ZC3H8: variants seen among roughly 807,000 people sequenced by gnomAD.
ZC3H8 encodes zinc finger CCCH domain-containing protein 8.
Under a neutral mutation model 42.5 loss-of-function variants are expected in ZC3H8, and 27 were observed. The ratio of observed to expected loss-of-function variants is 0.64; its 90% CI spans 0.47 to 0.88. ZC3H8 has a LOEUF of 0.88. ZC3H8 is among the 40% of genes least tolerant of loss of function. The probability of loss-of-function intolerance (pLI) is 0.00; values close to 1 mark genes in which losing one functional copy is unlikely to be tolerated. For synonymous variants in ZC3H8, 101 were observed against 110.1 expected, an observed-to-expected ratio of 0.92 and a Z score of 0.52; for missense variants, 277 against 336.1, an observed-to-expected ratio of 0.82 and a Z score of 1.37.
chr2:112,231,875 G>T lies in ZC3H8; in HGVS notation c.806C>A (p.Ala269Asp). Residue 269 changes from alanine to aspartate, a missense_variant, in exon 7 of 9, where the codon GCT (alanine) becomes GAT (aspartate). Transcript: ENST00000409573. ...YQGEYCKFSH[A>D]PLTPETQELL... ...TTCTTGTGTTTCAGGAGTCAGTGGA[G>T]CATGAGAAAACTTGCAGTATTCTCC... is the stretch of plus-strand genomic sequence containing the variant. 6.3e-7 allele frequency: 1 copy of T among 1,593,828 alleles called. No individual in the cohort carries two copies. The highest frequency in any genetic ancestry group is 8.6e-7 in the Non-Finnish European group (1 of 1,167,130).
At chr2:112,249,851 A>T (rs1685888190) in intron 2 of ZC3H8, among the ~76,000 whole-genome samples, 1 of 152,242 alleles carries the variant, frequency 6.6e-6, no homozygotes, top group Admixed American at 6.5e-5. Flanking sequence ...AAGTTAACAA[A>T]TCATAACCCT....
In ZC3H8 at chr2:112,233,276, GT is replaced by G. The variant is rs1685171087; in HGVS notation, c.716del (p.Asn239ThrfsTer33). ...AAAGGATATTATGCAAATACAGACA[GT>G]TTTCACCTCTGGTACAATATCCTTG... The part of the protein sequence containing the change: ...YVQGYCTRGE[N>X]CLYLHNEYPC... On this transcript the variant is annotated frameshift_variant, in exon 6 of 9. Transcript: ENST00000409573. LOFTEE classifies it high-confidence loss of function. 1 of 1,586,342 alleles carries G rather than the reference GT, an allele frequency of 6.3e-7. No individual in the cohort carries two copies. Among genetic ancestry groups the G allele is most frequent in the Non-Finnish European group, 8.6e-7 (1 of 1,164,422 alleles).
chr2:112,254,511 T>A (rs1313458858), intron 1 of ZC3H8, among the ~76,000 whole-genome samples: 1 of 152,204 alleles, frequency 6.6e-6, no homozygotes, highest in Admixed American at 6.5e-5. Flanking sequence ...AAAGGTCACA[T>A]CAGTGTCCTC....
intron 7 of ZC3H8, 108 bp from the exon 8 acceptor site, chr2:112,231,058 AATC>A: frequency 1.4e-6 from 1 of 718,468 alleles, no homozygotes; most frequent in East Asian, 6.9e-5. Context: ...TCATCCTAAT[AATC>A]ATCTAATATT....
At chr2:112,233,225 T>C (rs764994051) in intron 6 of ZC3H8, 35 bp downstream of exon 6, 1 of 1,204,054 alleles carries the variant, frequency 8.3e-7, no homozygotes, top group Non-Finnish European at 1.1e-6. Context: ...CATGTAAATA[T>C]TTATAAAGTC....
At chr2:112,244,486 G>T (rs147823396) in intron 2 of ZC3H8, among the ~76,000 whole-genome samples, 6 of 152,264 alleles carry the variant, frequency 3.9e-5, no homozygotes, top group Non-Finnish European at 7.4e-5. Context: ...AGGTATATAA[G>T]ATGTGAGATA....
intron 2 of ZC3H8, among the ~76,000 whole-genome samples, chr2:112,244,527 T>G (rs960709573): frequency 1.3e-5 from 2 of 152,252 alleles, no homozygotes; most frequent in African/African-American, 4.8e-5. Context: ...CATACCTTAT[T>G]TGATGTCCTT....
chr2:112,238,595 A>G, intron 2 of ZC3H8, 67 bp from the exon 3 acceptor site: 1 of 1,354,180 alleles, frequency 7.4e-7, no homozygotes, highest in East Asian at 2.3e-5. Flanking sequence ...GCTATACAGA[A>G]GAAACAAGAT....
rs975155332 is a variant in ZC3H8, at chr2:112,238,508, T to C, written c.177A>G (p.Ser59=). Residue 59 remains serine (S), a synonymous_variant, in exon 3 of 9, where the codon TCA becomes TCG. Coordinates refer to ENST00000409573, the MANE Select transcript of ZC3H8 (RefSeq NM_032494.3). ...IPKKFRHSAI[S]PKSSLHRKSR... is the part of the protein sequence containing the mutation. ...ATTTTCTATGCAGCGAACTTTTTGGTGATATTGCAGAGTGTCTAAACTAAG... is the reference window on the plus strand; with the variant it reads ...ATTTTCTATGCAGCGAACTTTTTGGCGATATTGCAGAGTGTCTAAACTAAG... The C allele has an allele frequency of 1.9e-6, 3 of 1,610,926 alleles. No individual in the cohort carries two copies. Among genetic ancestry groups the C allele is most frequent in the African/African-American group, 2.7e-5 (2 of 75,008 alleles).
intron 2 of ZC3H8, among the ~76,000 whole-genome samples, chr2:112,241,242 TC>T (rs948893620): frequency 1.3e-5 from 2 of 152,018 alleles, no homozygotes; most frequent in Admixed American, 6.6e-5. Context: ...CCAGGTACTT[TC>T]CCTAGGAAAA....
chr2:112,231,797 TAAAAAAG>T (rs1685103377), intron 7 of ZC3H8, 34 bp downstream of exon 7: 1 of 1,341,862 alleles, frequency 7.5e-7, no homozygotes, highest in South Asian at 1.4e-5. Flanking sequence ...ACATATTCCT[TAAAAAAG>T]AAAAAACAAA....
At chr2:112,241,695 T>C (rs1341813692) in intron 2 of ZC3H8, among the ~76,000 whole-genome samples, 2 of 152,230 alleles carry the variant, frequency 1.3e-5, no homozygotes, top group African/African-American at 2.4e-5. Flanking sequence ...TATCACATTA[T>C]AGTTGTTGCA....
Position 112,230,895 on chromosome 2 carries a change from A to G in ZC3H8, c.*15+8T>C. 7.7e-7 allele frequency: 1 copy of G among 1,295,920 alleles called. No individual in the cohort carries two copies. Among genetic ancestry groups the G allele is most frequent in the Non-Finnish European group, 1.0e-6 (1 of 989,994 alleles). The allele number at this position is 1,295,920 out of a possible 1,614,324, so 80.3% of individuals were successfully genotyped here. On this transcript the variant is annotated splice_region_variant and intron_variant, in intron 8 of 8. Transcript: ENST00000409573. ...GAAAAAAAGAAATGTGGTAAATTCTAATTTTACCTTTTTATGTCTATTTTA... is the reference window on the plus strand; with the variant it reads ...GAAAAAAAGAAATGTGGTAAATTCTGATTTTACCTTTTTATGTCTATTTTA...
intron 8 of ZC3H8, among the ~76,000 whole-genome samples, chr2:112,228,413 A>G (rs1365830857): frequency 1.3e-5 from 2 of 152,022 alleles, no homozygotes; most frequent in South Asian, 2.1e-4. Context: ...GAGGCATGAG[A>G]ATCACTTGAA....
At chr2:112,254,863 C>T in intron 1 of ZC3H8, 45 bp downstream of exon 1, 1 of 1,595,126 alleles carries the variant, frequency 6.3e-7, no homozygotes, top group Middle Eastern at 1.8e-4. Flanking sequence ...GAGGCGGAGT[C>T]CCGCTGAGCC....
At chr2:112,240,474 G>A (rs755896490) in intron 2 of ZC3H8, 10 of 152,200 alleles carry the variant, frequency 6.6e-5, no homozygotes, top group Non-Finnish European at 1.3e-4. Context: ...ACATAGAGGT[G>A]AGATTTTCTT....
chr2:112,244,954 CAT>C (rs1373620130), intron 2 of ZC3H8, among the ~76,000 whole-genome samples: 2 of 152,132 alleles, frequency 1.3e-5, no homozygotes, highest in African/African-American at 2.4e-5. Flanking sequence ...AAGGAAGAAT[CAT>C]ATGTCTCTAC....
At chr2:112,254,810 C>T (rs1686068374) in intron 1 of ZC3H8, 98 bp downstream of exon 1, 4 of 1,415,066 alleles carry the variant, frequency 2.8e-6, no homozygotes, top group Non-Finnish European at 2.9e-6. Context: ...CGCGACGCGG[C>T]CCGGACGTGG....
intron 2 of ZC3H8, 80 bp from the exon 3 acceptor site, chr2:112,238,608 G>A: frequency 8.5e-7 from 1 of 1,176,672 alleles, no homozygotes; most frequent in South Asian, 1.5e-5. Context: ...AACAAGATTG[G>A]CTATAAACTG....
Sources: allele counts gnomAD v4.1 joint callset (sites outside exome capture counted in the v4.1 genomes callset), GRCh38; gene constraint gnomAD v4.1.1; transcripts MANE v1.5; gene names NCBI Gene and HGNC (gene_info 2026-07-23, HGNC 2026-07-21).